The following LYRM4 variants were observed in gnomAD, a reference collection of about 807,000 sequenced individuals.
LYRM4 encodes LYR motif-containing protein 4.
Under a neutral mutation model 11.7 loss-of-function variants are expected in LYRM4, and 9 were observed. The observed-to-expected ratio is 0.77, with a 90% CI of 0.46 to 1.34. The LOEUF (loss-of-function observed/expected upper bound fraction) is 1.34, where lower values mean the gene tolerates loss of function less well. Among genes scored for constraint, LYRM4 ranks in the 40% most tolerant of loss-of-function variants. The pLI is 0.00. For missense variants in LYRM4, 133 were observed against 112.5 expected, an observed-to-expected ratio of 1.18 and a Z score of -0.82; for synonymous variants, 42 against 40.4, an observed-to-expected ratio of 1.04 and a Z score of -0.15.
the LYRM4 span, among the ~76,000 whole-genome samples, chr6:5,092,604 G>A: frequency 1.3e-4 from 20 of 151,816 alleles, no homozygotes; most frequent in African/African-American, 4.6e-4. Flanking sequence ...TGTAGTCCCA[G>A]CTACCAGGGA....
intron 2 of LYRM4, among the ~76,000 whole-genome samples, chr6:5,154,680 G>A (rs569204007): frequency 8.5e-5 from 13 of 152,158 alleles, no homozygotes; most frequent in South Asian, 2.1e-4. Context: ...TTAGCCGGGC[G>A]TGGTGTCACG....
the LYRM4 span, chr6:5,085,230 A>C: frequency 4.5e-5 from 19 of 421,846 alleles, no homozygotes; most frequent in African/African-American, 6.3e-5. Context: ...CGTCGCGGGC[A>C]GGTTCAACCG....
intron 2 of LYRM4, among the ~76,000 whole-genome samples, chr6:5,175,998 C>A (rs1397187255): frequency 3.3e-5 from 5 of 152,078 alleles, no homozygotes; most frequent in Non-Finnish European, 1.5e-5. Context: ...ATAGCATGTG[C>A]ACTATCAGCA....
intron 2 of LYRM4, among the ~76,000 whole-genome samples, chr6:5,122,410 A>G (rs1763499108): frequency 1.3e-5 from 2 of 152,300 alleles, no homozygotes; most frequent in South Asian, 4.1e-4. Flanking sequence ...CCAGAAATGC[A>G]ACACTCAGAA....
At chr6:5,118,087 T>TAG (rs1763209191) in intron 2 of LYRM4, among the ~76,000 whole-genome samples, 1 of 42,926 alleles carries the variant, frequency 2.3e-5, no homozygotes, top group African/African-American at 8.5e-5. Flanking sequence ...ACAATATATA[T>TAG]ATATATATTT....
chr6:5,158,731 C>A (rs939121616), intron 2 of LYRM4, among the ~76,000 whole-genome samples: 1 of 152,188 alleles, frequency 6.6e-6, no homozygotes, highest in Non-Finnish European at 1.5e-5. Context: ...CCTTGGCCTC[C>A]CAAAGTGTTG....
chr6:5,182,083 A>G (rs1376584557), intron 2 of LYRM4, among the ~76,000 whole-genome samples: 1 of 152,208 alleles, frequency 6.6e-6, no homozygotes, highest in African/African-American at 2.4e-5. Flanking sequence ...AACTTCGCCC[A>G]TAATGAGGCA....
chr6:5,085,811 T>C, the LYRM4 span: 6 of 1,528,536 alleles, frequency 3.9e-6, no homozygotes, highest in East Asian at 1.5e-4. Flanking sequence ...GCGGTGGCAC[T>C]GGGCGGCGAG....
At chr6:5,240,313 TC>T (rs1382931553) in intron 1 of LYRM4, among the ~76,000 whole-genome samples, 4 of 152,034 alleles carry the variant, frequency 2.6e-5, no homozygotes, top group African/African-American at 7.2e-5. Context: ...TTAACACTAC[TC>T]CCCCTCCTCT....
In LYRM4 at chr6:5,260,661, C is replaced by G. The variant is rs1234585030; in HGVS notation, c.73G>C (p.Ala25Pro). 6.8e-7 allele frequency: 1 copy of G among 1,467,162 alleles called. No homozygotes were observed. The highest frequency in any genetic ancestry group is 9.1e-7 in the Non-Finnish European group (1 of 1,099,688). 90.9% of individuals were successfully genotyped at this position (1,467,162 alleles called of 1,614,324 possible). A position where few individuals can be genotyped will look rare whatever the true frequency, so the allele number is the denominator to read the frequency against. ...AMLRESKRFS[A>P]YNYRTYAVRR... ...CCGCTGGGTCACCTGTAATTGTAGG[C>G]GCTGAAACGCTTGCTCTCTCTCAGC... is the stretch of plus-strand genomic sequence containing the variant. Residue 25 changes from alanine to proline, a missense_variant, in exon 1 of 3, where the codon GCC becomes CCC. Ala to Pro is a conservative substitution (Grantham distance 27). Transcript: ENST00000330636.
intron 1 of LYRM4, among the ~76,000 whole-genome samples, chr6:5,250,586 A>C (rs1182743826): frequency 6.6e-6 from 1 of 152,220 alleles, no homozygotes; most frequent in Admixed American, 6.5e-5. Context: ...TCAAAAGTCT[A>C]AGAAACTGCT....
At chr6:5,091,906 G>A in the LYRM4 span, among the ~76,000 whole-genome samples, 1 of 152,298 alleles carries the variant, frequency 6.6e-6, no homozygotes, top group African/African-American at 2.4e-5. Context: ...TAATTTCTCC[G>A]ATTGTAGTTA....
the LYRM4 span, among the ~76,000 whole-genome samples, chr6:5,049,482 G>A: frequency 0.026 from 4,029 of 152,270 alleles, 79 homozygotes; most frequent in South Asian, 0.091. Flanking sequence ...ACTAGTTGAG[G>A]TCATAGATAT....
At chr6:5,072,686 G>A in the LYRM4 span, among the ~76,000 whole-genome samples, 2 of 151,286 alleles carry the variant, frequency 1.3e-5, no homozygotes, top group South Asian at 4.2e-4. Flanking sequence ...GAACGCAGAT[G>A]TGGTAGAAAT....
At chr6:5,230,952 G>A (rs1763201798) in intron 1 of LYRM4, among the ~76,000 whole-genome samples, 1 of 152,132 alleles carries the variant, frequency 6.6e-6, no homozygotes, top group South Asian at 2.1e-4. Context: ...AATGTTTACT[G>A]GGCTATTCAG....
At chr6:5,165,621 C>A (rs1759039045) in intron 2 of LYRM4, among the ~76,000 whole-genome samples, 2 of 151,904 alleles carry the variant, frequency 1.3e-5, no homozygotes, top group Non-Finnish European at 2.9e-5. Context: ...CGGCTCACTG[C>A]AGCCTCCACC....
At chr6:5,049,183 C>A in the LYRM4 span, among the ~76,000 whole-genome samples, 1 of 152,164 alleles carries the variant, frequency 6.6e-6, no homozygotes, top group Non-Finnish European at 1.5e-5. Context: ...TCACTTCCAT[C>A]CCTGGTCCCA....
At chr6:5,168,751 G>A (rs908485900) in intron 2 of LYRM4, among the ~76,000 whole-genome samples, 4 of 152,190 alleles carry the variant, frequency 2.6e-5, no homozygotes, top group African/African-American at 4.8e-5. Context: ...ATTGATAAAT[G>A]TCTTGGGTGT....
At chr6:5,122,797 C>T (rs1363026555) in intron 2 of LYRM4, among the ~76,000 whole-genome samples, 1 of 152,216 alleles carries the variant, frequency 6.6e-6, no homozygotes, top group African/African-American at 2.4e-5. Context: ...CAGACATCCC[C>T]GTCTGCACGG....
Sources: allele counts gnomAD v4.1 joint callset (sites outside exome capture counted in the v4.1 genomes callset), GRCh38; gene constraint gnomAD v4.1.1; transcripts MANE v1.5; gene names NCBI Gene and HGNC (gene_info 2026-07-23, HGNC 2026-07-21).